The following MYO1D variants were observed in gnomAD, a reference collection of about 807,000 sequenced individuals.
MYO1D encodes the protein unconventional myosin-Id.
MYO1D carries 83 observed loss-of-function variants against 122.0 expected under a neutral mutation model. The observed-to-expected ratio is 0.68, with a 90% CI of 0.57 to 0.82. The LOEUF is 0.82. MYO1D is among the 40% of genes least tolerant of loss of function. The pLI, the probability that MYO1D is intolerant of heterozygous loss-of-function variation, is 0.00. For missense variants in MYO1D, 1,157 were observed against 1,269.5 expected, an observed-to-expected ratio of 0.91 and a Z score of 1.35; for synonymous variants, 464 against 446.9, an observed-to-expected ratio of 1.04 and a Z score of -0.48.
At chr17:32,612,897 C>T (rs1270318862) in intron 20 of MYO1D, among the ~76,000 whole-genome samples, 1 of 151,756 alleles carries the variant, frequency 6.6e-6, no homozygotes, top group Non-Finnish European at 1.5e-5. Context: ...GCCTCCCATG[C>T]AGCTGGGACC....
At chr17:32,508,649 G>A (rs562227506) in intron 21 of MYO1D, among the ~76,000 whole-genome samples, 4 of 152,184 alleles carry the variant, frequency 2.6e-5, no homozygotes, top group Non-Finnish European at 5.9e-5. Context: ...TGCTTACTAA[G>A]TGCCTTACAG....
chr17:32,733,682 C>G (rs927047338), intron 14 of MYO1D, among the ~76,000 whole-genome samples: 6 of 152,156 alleles, frequency 3.9e-5, no homozygotes, highest in Non-Finnish European at 7.3e-5. Flanking sequence ...TAACTATATT[C>G]AAAGTTACAC....
intron 11 of MYO1D, among the ~76,000 whole-genome samples, chr17:32,749,308 C>T (rs2089873635): frequency 6.6e-6 from 1 of 152,216 alleles, no homozygotes; most frequent in Non-Finnish European, 1.5e-5. Context: ...TGATTCCCCT[C>T]TGTGCTTTCT....
chr17:32,721,109 T>C lies in MYO1D; in HGVS notation c.1827A>G (p.Gln609=). Residue 609 remains glutamine (Q), a synonymous_variant, in exon 15 of 22, where the codon CAA becomes CAG. Transcript: ENST00000318217. ...TTTCCAGTAGTCCAAGATATTCTAC[T>C]TGGTGCCGGCAGCGTTCATCATCAA... ...QIFDDERCRH[Q]VEYLGLLENV... is the part of the protein sequence containing the mutation. 2 of 1,614,144 alleles carry C rather than the reference T, an allele frequency of 1.2e-6. No homozygotes were observed. Among genetic ancestry groups the C allele is most frequent in the Non-Finnish European group, 1.7e-6 (2 of 1,180,016 alleles).
chr17:32,727,002 G>C (rs1392081749), intron 14 of MYO1D, among the ~76,000 whole-genome samples: 1 of 152,008 alleles, frequency 6.6e-6, no homozygotes, highest in Non-Finnish European at 1.5e-5. Context: ...AATAAGTCAA[G>C]TAACCACTAT....
intron 14 of MYO1D, among the ~76,000 whole-genome samples, chr17:32,734,358 T>A (rs2089672269): frequency 6.6e-6 from 1 of 152,200 alleles, no homozygotes; most frequent in African/African-American, 2.4e-5. Flanking sequence ...AGCCCTTTTT[T>A]TGTTCATAAT....
intron 21 of MYO1D, among the ~76,000 whole-genome samples, chr17:32,576,324 C>T (rs1281141909): frequency 6.6e-6 from 1 of 152,138 alleles, no homozygotes; most frequent in Non-Finnish European, 1.5e-5. Context: ...TAAGAAGCAA[C>T]AAAGGACAGC....
chr17:32,775,038 T>C (rs2090158852), intron 4 of MYO1D, among the ~76,000 whole-genome samples: 1 of 152,298 alleles, frequency 6.6e-6, no homozygotes, highest in East Asian at 1.9e-4. Flanking sequence ...CAGCAGCTCA[T>C]GCCTGTAATC....
intron 1 of MYO1D, among the ~76,000 whole-genome samples, chr17:32,860,082 CAG>C (rs2091057209): frequency 3.9e-5 from 6 of 152,242 alleles, no homozygotes; most frequent in Admixed American, 3.9e-4. Context: ...ACAACACAAG[CAG>C]AGAGCTCACT....
intron 16 of MYO1D, among the ~76,000 whole-genome samples, chr17:32,679,035 T>C (rs1280466243): frequency 2.7e-5 from 4 of 150,838 alleles, no homozygotes; most frequent in African/African-American, 9.8e-5. Context: ...TTTCATGTGT[T>C]TTTTGGCTGC....
intron 1 of MYO1D, among the ~76,000 whole-genome samples, chr17:32,855,674 G>C (rs991341335): frequency 2.0e-5 from 3 of 152,108 alleles, no homozygotes; most frequent in Non-Finnish European, 4.4e-5. Context: ...TGCAGGTCTA[G>C]TATTATTTCT....
chr17:32,683,258 C>G (rs1437538389), intron 16 of MYO1D, among the ~76,000 whole-genome samples: 1 of 152,064 alleles, frequency 6.6e-6, no homozygotes, highest in East Asian at 1.9e-4. Flanking sequence ...TCGTCAAAGT[C>G]ATTCTCCATC....
At chr17:32,779,364 AATACT>A (rs1376564952) in intron 2 of MYO1D, among the ~76,000 whole-genome samples, 1 of 151,978 alleles carries the variant, frequency 6.6e-6, no homozygotes, top group Non-Finnish European at 1.5e-5. Flanking sequence ...ATTTAAATGG[AATACT>A]ATACAATTAT....
At chr17:32,545,579 T>C (rs1189753999) in intron 21 of MYO1D, among the ~76,000 whole-genome samples, 1 of 152,134 alleles carries the variant, frequency 6.6e-6, no homozygotes, top group Non-Finnish European at 1.5e-5. Context: ...CCCTAACTGG[T>C]CCCTAGTTAA....
At chr17:32,815,328 A>G (rs1425648392) in intron 1 of MYO1D, among the ~76,000 whole-genome samples, 1 of 152,200 alleles carries the variant, frequency 6.6e-6, no homozygotes, top group African/African-American at 2.4e-5. Flanking sequence ...CCAGCTCTTG[A>G]CTTATAGAAG....
chr17:32,712,014 T>C lies in MYO1D; in HGVS notation c.2095A>G (p.Ile699Val), dbSNP rs762690794. The C allele has an allele frequency of 6.8e-6, 11 of 1,614,030 alleles. No individual in the cohort carries two copies. The highest frequency in any genetic ancestry group is 9.3e-6 in the Non-Finnish European group (11 of 1,179,990). Reference protein sequence around the residue: ...TLEELRAQMLIRIVLFLQKVW... With the variant: ...TLEELRAQMLVRIVLFLQKVW... ...TTTTGTAGAAAGAGGACAATCCTTA[T>C]GAGCATCTGGGCACGGAGTTCTTCC... The change falls in exon 16 of 22, where the codon ATA becomes GTA. Residue 699 changes from isoleucine to valine, a missense_variant. By Grantham distance (29) the Ile-to-Val change is conservative. Coordinates refer to ENST00000318217, the MANE Select transcript of MYO1D (RefSeq NM_015194.3).
chr17:32,818,421 G>A (rs952156664), intron 1 of MYO1D, among the ~76,000 whole-genome samples: 1 of 152,144 alleles, frequency 6.6e-6, no homozygotes, highest in Non-Finnish European at 1.5e-5. Flanking sequence ...CAGTGGGAAG[G>A]TACCACCACT....
chr17:32,838,916 A>C (rs1333474242), intron 1 of MYO1D, among the ~76,000 whole-genome samples: 1 of 152,148 alleles, frequency 6.6e-6, no homozygotes, highest in East Asian at 1.9e-4. Flanking sequence ...CTATACACCC[A>C]ACTCCAATCC....
chr17:32,858,172 C>T (rs935206422), intron 1 of MYO1D, among the ~76,000 whole-genome samples: 1 of 152,160 alleles, frequency 6.6e-6, no homozygotes, highest in African/African-American at 2.4e-5. Flanking sequence ...AATGAGTGAA[C>T]CTTTAACTCC....
Sources: allele counts gnomAD v4.1 joint callset (sites outside exome capture counted in the v4.1 genomes callset), GRCh38; gene constraint gnomAD v4.1.1; transcripts MANE v1.5; gene names NCBI Gene and HGNC (gene_info 2026-07-23, HGNC 2026-07-21).